The following NEXN variants were observed in gnomAD, a reference collection of about 807,000 sequenced individuals.
NEXN encodes the protein nexilin F-actin binding protein.
Under a neutral mutation model 92.6 loss-of-function variants are expected in NEXN, and 65 were observed. The observed-to-expected ratio is 0.70, with a 90% confidence interval of 0.57 to 0.86. The LOEUF is 0.86. NEXN is among the 40% of genes least tolerant of loss of function. NEXN has a pLI of 0.00. For synonymous variants in NEXN, 254 were observed against 242.5 expected (o/e 1.05, Z -0.44); for missense variants, 778 against 771.1 (o/e 1.01, Z -0.11).
chr1:77,919,704 A>G (rs1229620099), intron 5 of NEXN, among the ~76,000 whole-genome samples: 2 of 150,072 alleles, frequency 1.3e-5, no homozygotes, highest in East Asian at 3.9e-4. Flanking sequence ...GGTTGAAGCG[A>G]TTCTCCTGTC....
At chr1:77,897,666 T>C (rs1340530365) in intron 1 of NEXN, among the ~76,000 whole-genome samples, 5 of 151,966 alleles carry the variant, frequency 3.3e-5, no homozygotes, top group East Asian at 3.9e-4. Context: ...CCAGGGCAAT[T>C]AGGCAGGAGA....
In NEXN at chr1:77,942,254, A is replaced by C. The variant is rs200235811; in HGVS notation, c.1659+46A>C. 2.5e-4 allele frequency: 390 copies of C among 1,583,186 alleles called. 1 individual carries two copies. The African/African-American group carries it at 4.2e-3, about 17-fold the overall frequency. ...TTATTTTCCAAAGATGCCCTCTTAAAACCCATAGTTTTATAATTAGGTAGG... is the reference window on the plus strand; with the variant it reads ...TTATTTTCCAAAGATGCCCTCTTAACACCCATAGTTTTATAATTAGGTAGG... On this transcript the variant is annotated intron_variant, in intron 12 of 12. Transcript: ENST00000334785.
At chr1:77,936,066 CAT>C (rs774607878) in intron 11 of NEXN, 22 bp downstream of exon 11, 7 of 1,493,878 alleles carry the variant, frequency 4.7e-6, no homozygotes, top group East Asian at 2.3e-5. Context: ...TTATATTTAA[CAT>C]AGTTATGGTA....
chr1:77,941,988 C>T, intron 11 of NEXN, 35 bp from the exon 12 acceptor site: 1 of 1,598,054 alleles, frequency 6.3e-7, no homozygotes, highest in Non-Finnish European at 8.6e-7. Flanking sequence ...TTTTAGAAGG[C>T]AAGCAATTGT....
At chr1:77,912,220 A>G (rs1360679688) in intron 1 of NEXN, among the ~76,000 whole-genome samples, 1 of 152,194 alleles carries the variant, frequency 6.6e-6, no homozygotes, top group African/African-American at 2.4e-5. Flanking sequence ...ACAACTATGA[A>G]ATTATTTAGG....
chr1:77,904,969 A>G (rs1647999825), intron 1 of NEXN, among the ~76,000 whole-genome samples: 1 of 152,242 alleles, frequency 6.6e-6, no homozygotes, highest in Admixed American at 6.5e-5. Flanking sequence ...TAGATGCTTA[A>G]TAAATACTTA....
At chr1:77,942,251 TA>T (rs754420866) in intron 12 of NEXN, 43 bp downstream of exon 12, 12 of 1,584,342 alleles carry the variant, frequency 7.6e-6, no homozygotes, top group Non-Finnish European at 1.0e-5. Context: ...GATGCCCTCT[TA>T]AAACCCATAG....
intron 10 of NEXN, among the ~76,000 whole-genome samples, chr1:77,933,974 T>C (rs974229681): frequency 6.6e-6 from 1 of 151,688 alleles, no homozygotes; most frequent in Admixed American, 6.6e-5. Flanking sequence ...TAGCTGAGAC[T>C]TGGGGTGCAC....
chr1:77,929,574 ACT>A (rs756022151), intron 9 of NEXN, 70 bp downstream of exon 9: 82 of 1,584,400 alleles, frequency 5.2e-5, no homozygotes, highest in Non-Finnish European at 6.7e-5. Context: ...GAATCATTAG[ACT>A]TTAGAGAATA....
intron 8 of NEXN, among the ~76,000 whole-genome samples, chr1:77,927,858 A>T (rs889888896): frequency 6.6e-6 from 1 of 151,904 alleles, no homozygotes; most frequent in Non-Finnish European, 1.5e-5. Context: ...CTATTTCTTA[A>T]ATGGTTAAAC....
intron 1 of NEXN, among the ~76,000 whole-genome samples, chr1:77,909,914 C>A (rs569500305): frequency 1.3e-5 from 2 of 152,140 alleles, no homozygotes; most frequent in African/African-American, 4.8e-5. Flanking sequence ...ACTTACACAA[C>A]CAATAATTTA....
chr1:77,893,009 G>A (rs1038257875), intron 1 of NEXN, among the ~76,000 whole-genome samples: 5 of 151,960 alleles, frequency 3.3e-5, no homozygotes, highest in African/African-American at 7.3e-5. Context: ...TAGGACTACA[G>A]ACATGCACCA....
At chr1:77,925,746 CA>C (rs1432645706) in intron 6 of NEXN, among the ~76,000 whole-genome samples, 2 of 151,906 alleles carry the variant, frequency 1.3e-5, no homozygotes, top group Non-Finnish European at 2.9e-5. Context: ...ATGGTGTGCC[CA>C]AAACTACAGC....
In NEXN at chr1:77,929,413, G is replaced by C. The variant is rs1650113822; in HGVS notation, c.962G>C (p.Arg321Thr). 1 of 1,613,732 alleles carries C rather than the reference G, an allele frequency of 6.2e-7. No homozygotes were observed. The highest frequency in any genetic ancestry group is 1.7e-5 in the Admixed American group (1 of 59,974). The change falls in exon 9 of 13, where the codon AGA (arginine) becomes ACA (threonine). Residue 321 changes from arginine to threonine, a missense_variant. Coordinates refer to ENST00000334785, the MANE Select transcript of NEXN (RefSeq NM_144573.4). The stretch of plus-strand genomic sequence containing the variant: ...AGTTTTGAAGAAATGGAAAGGCAAA[G>C]AAGAGAAGATGAAAAAAGGAAAGCA... ...KLSFEEMERQ[R>T]REDEKRKAEE...
At chr1:77,936,438 CTAAAA>C (rs1175410133) in intron 11 of NEXN, among the ~76,000 whole-genome samples, 2 of 152,150 alleles carry the variant, frequency 1.3e-5, no homozygotes, top group African/African-American at 4.8e-5. Context: ...AAAGATACAA[CTAAAA>C]TAATATATTT....
At position 77,936,018 on chromosome 1, in the gene NEXN, G is replaced by C; in HGVS notation, c.1447G>C (p.Glu483Gln). ...RRRAIDLEIKEREAENFHEED... is the reference protein window; with the variant it reads ...RRRAIDLEIKQREAENFHEED... ...GAGAGCAATTGACCTTGAAATTAAA[G>C]AGCGAGAAGCTGAAAATTTTCATGA... Residue 483 changes from glutamate to glutamine, a missense_variant, in exon 11 of 13, where the codon GAG (glutamate) becomes CAG (glutamine). Physicochemically the swap from Glu to Gln is conservative, Grantham distance 29. Coordinates refer to ENST00000334785, the MANE Select transcript of NEXN (RefSeq NM_144573.4). 3.1e-6 allele frequency: 5 copies of C among 1,613,582 alleles called. No individual in the cohort carries two copies. Among genetic ancestry groups the C allele is most frequent in the Non-Finnish European group, 4.2e-6 (5 of 1,179,740 alleles).
chr1:77,922,173 T>C (rs1376768789), intron 5 of NEXN, among the ~76,000 whole-genome samples: 1 of 146,210 alleles, frequency 6.8e-6, no homozygotes, highest in Non-Finnish European at 1.5e-5. Context: ...GGAGTCTCGC[T>C]CTGTCACCCA....
At chr1:77,922,384 C>G (rs888468353) in intron 5 of NEXN, among the ~76,000 whole-genome samples, 23 of 151,986 alleles carry the variant, frequency 1.5e-4, no homozygotes, top group Non-Finnish European at 2.5e-4. Context: ...CTGCCTCGGC[C>G]TCCCAAAGTG....
chr1:77,898,984 C>T (rs1429896573), intron 1 of NEXN, among the ~76,000 whole-genome samples: 4 of 152,256 alleles, frequency 2.6e-5, no homozygotes, highest in South Asian at 4.2e-4. Context: ...GTTAGAATGG[C>T]GATCATTAAT....
Sources: allele counts gnomAD v4.1 joint callset (sites outside exome capture counted in the v4.1 genomes callset), GRCh38; gene constraint gnomAD v4.1.1; transcripts MANE v1.5; gene names NCBI Gene and HGNC (gene_info 2026-07-23, HGNC 2026-07-21).